The following A2ML1 variants were observed in gnomAD, a reference collection of about 807,000 sequenced individuals.
The protein encoded by A2ML1 is alpha-2-macroglobulin-like protein 1.
A2ML1 carries 161 observed loss-of-function variants against 181.9 expected under a neutral mutation model. The observed-to-expected ratio is 0.89, with a 90% CI of 0.78 to 1.01. The LOEUF (loss-of-function observed/expected upper bound fraction) is 1.01. Among genes scored for constraint, A2ML1 ranks in the 50% least tolerant of loss-of-function variants. The pLI is 0.00. For missense variants in A2ML1, 1,670 were observed against 1,768.1 expected, an observed-to-expected ratio of 0.94 and a Z score of 1.00; for synonymous variants, 663 against 666.8, an observed-to-expected ratio of 0.99 and a Z score of 0.09.
At chr12:8,829,079 C>G (rs1223296982) in intron 3 of A2ML1, among the ~76,000 whole-genome samples, 2 of 152,216 alleles carry the variant, frequency 1.3e-5, no homozygotes, top group Non-Finnish European at 2.9e-5. Context: ...TCTTCAGTGC[C>G]TCTTTCAGTG....
At chr12:8,885,656 G>T (rs1944914914) in intron 7 of A2ML1, among the ~76,000 whole-genome samples, 1 of 152,048 alleles carries the variant, frequency 6.6e-6, no homozygotes, top group East Asian at 1.9e-4. Flanking sequence ...TAGAGTTGGG[G>T]TTTCAGCATG....
intron 28 of A2ML1, 50 bp from the exon 29 acceptor site, chr12:8,863,744 G>T: frequency 6.3e-7 from 1 of 1,580,434 alleles, no homozygotes; most frequent in Non-Finnish European, 8.7e-7. Context: ...GTGAATGTGG[G>T]AAAGCCAGTT....
intron 12 of A2ML1, among the ~76,000 whole-genome samples, chr12:8,843,796 G>A (rs935466124): frequency 1.4e-5 from 2 of 148,008 alleles, no homozygotes; most frequent in South Asian, 2.1e-4. Context: ...TTGGCTCACT[G>A]CAAGCTCCAC....
At chr12:8,828,718 G>A (rs1943011448) in intron 3 of A2ML1, among the ~76,000 whole-genome samples, 1 of 152,102 alleles carries the variant, frequency 6.6e-6, no homozygotes, top group Non-Finnish European at 1.5e-5. Flanking sequence ...TGAATCACTG[G>A]AAGCCAGCAT....
In A2ML1 at chr12:8,863,904, CT is replaced by C. The variant is rs769980510; in HGVS notation, c.3615del (p.Thr1206ProfsTer5). On this transcript the variant is annotated frameshift_variant, in exon 29 of 36. Transcript: ENST00000299698. LOFTEE classifies it high-confidence loss of function. ...CACAGCATATGCATTGTTGGCCCAG[CT>C]TACCAAGCCCAGCCTGACTCAAAAG... Reference protein sequence around the residue: ...ELTAYALLAQLTKPSLTQKEI... With the variant: ...ELTAYALLAQXTKPSLTQKEI... The C allele has an allele frequency of 6.8e-6, 11 of 1,614,186 alleles. No homozygotes were observed. The highest frequency in any genetic ancestry group is 8.5e-6 in the Non-Finnish European group (10 of 1,180,040).
At chr12:8,827,069 A>G (rs112778129) in intron 3 of A2ML1, among the ~76,000 whole-genome samples, 5,828 of 151,960 alleles carry the variant, frequency 0.038, 373 homozygotes, top group African/African-American at 0.13. Context: ...AGCTGGGCTC[A>G]GTGGCTCATG....
In A2ML1 at chr12:8,865,479, C is replaced by T. The variant is rs750710648; in HGVS notation, c.3717+1471C>T. ...GCTTGAACCCGGGAGGCAGAGGTTG[C>T]GGTGAGCCGAGATGGCGCCATTGCA... On this transcript the variant is annotated intron_variant, in intron 29 of 35. Coordinates refer to ENST00000299698, the MANE Select transcript of A2ML1 (RefSeq NM_144670.6). Among the ~76,000 whole-genome samples the T allele has an allele frequency of 7.9e-5, 12 of 152,298 alleles. No homozygotes were observed. The South Asian group carries it at 1.7e-3, about 21-fold the overall frequency.
chr12:8,858,939 AT>A (rs754481775), intron 26 of A2ML1, among the ~76,000 whole-genome samples: 14 of 152,188 alleles, frequency 9.2e-5, no homozygotes, highest in Non-Finnish European at 1.6e-4. Flanking sequence ...CACGTGGTTT[AT>A]TTGATATTAT....
chr12:8,838,419 T>C lies in A2ML1; in HGVS notation c.939T>C (p.Asn313=). 6.2e-7 allele frequency: 1 copy of C among 1,613,836 alleles called. No homozygotes were observed. Among genetic ancestry groups the C allele is most frequent in the African/African-American group, 1.3e-5 (1 of 75,032 alleles). Residue 313 remains asparagine (N), a synonymous_variant, in exon 9 of 36, where the codon AAT becomes AAC. Coordinates refer to ENST00000299698, the MANE Select transcript of A2ML1 (RefSeq NM_144670.6). The part of the protein sequence containing the change: ...LIGYAYSHQI[N]IVATVVEEGT... ...GATATGCGTACAGCCATCAAATCAATATTGTGGCTACTGTTGTGGAGGAAG... is the reference window on the plus strand; with the variant it reads ...GATATGCGTACAGCCATCAAATCAACATTGTGGCTACTGTTGTGGAGGAAG...
intron 26 of A2ML1, among the ~76,000 whole-genome samples, chr12:8,858,629 A>G (rs1944154307): frequency 6.6e-6 from 1 of 152,112 alleles, no homozygotes. Flanking sequence ...TTCTCAAAGC[A>G]TAGTTCCCAG....
chr12:8,828,202 C>T (rs1331488802), intron 3 of A2ML1, among the ~76,000 whole-genome samples: 2 of 152,206 alleles, frequency 1.3e-5, no homozygotes, highest in African/African-American at 2.4e-5. Flanking sequence ...TGGTGAGTTC[C>T]CCATGACCCT....
chr12:8,845,016 G>A (rs750801179), intron 12 of A2ML1: 2 of 1,427,294 alleles, frequency 1.4e-6, no homozygotes, highest in East Asian at 2.5e-5. Context: ...TGTCAGAAGG[G>A]CTCAGGGTGG....
At chr12:8,829,970 C>A (rs746451933) in intron 4 of A2ML1, among the ~76,000 whole-genome samples, 191 bp downstream of exon 4, 1 of 151,912 alleles carries the variant, frequency 6.6e-6, no homozygotes, top group East Asian at 1.9e-4. Flanking sequence ...TAGGAACAAG[C>A]AGAGGTAACC....
At chr12:8,825,238 C>T (rs962758350) in intron 3 of A2ML1, among the ~76,000 whole-genome samples, 2 of 151,732 alleles carry the variant, frequency 1.3e-5, no homozygotes, top group African/African-American at 4.8e-5. Context: ...CTCTTTTCTC[C>T]ACATCCTCAC....
intron 11 of A2ML1, 36 bp downstream of exon 11, chr12:8,841,572 A>C: frequency 6.3e-7 from 1 of 1,578,894 alleles, no homozygotes. Context: ...CCTAGAAAGG[A>C]AGGCTTCCCT....
At chr12:8,854,901 T>C (rs1272991821) in intron 22 of A2ML1, 70 bp downstream of exon 22, 29 of 1,557,218 alleles carry the variant, frequency 1.9e-5, no homozygotes, top group Non-Finnish European at 2.4e-5. Flanking sequence ...TTTTCATTTT[T>C]TTTTTTTTTT....
rs199779757 is a variant in A2ML1, at chr12:8,847,643, C to A, written c.1778C>A (p.Ala593Glu). 13 of 1,613,772 alleles carry A rather than the reference C, an allele frequency of 8.1e-6. No homozygotes were observed. The highest frequency in any genetic ancestry group is 2.7e-5 in the African/African-American group (2 of 75,016). ...CCCGGATCCCTGTGTGCGCTCCGGGCGGTGGATGAGAGTGTCTTACTGCTT... is the reference window on the plus strand; with the variant it reads ...CCCGGATCCCTGTGTGCGCTCCGGGAGGTGGATGAGAGTGTCTTACTGCTT... ...AAPGSLCALRAVDESVLLLRP... is the reference protein window; with the variant it reads ...AAPGSLCALREVDESVLLLRP... The change falls in exon 15 of 36, where the codon GCG becomes GAG. Residue 593 changes from alanine to glutamate, a missense_variant. Transcript: ENST00000299698.
intron 33 of A2ML1, among the ~76,000 whole-genome samples, chr12:8,870,387 C>T (rs1433773389): frequency 1.4e-5 from 2 of 140,110 alleles, no homozygotes; most frequent in Non-Finnish European, 2.9e-5. Flanking sequence ...CCTGCCTCAG[C>T]CTCCCGAGTA....
chr12:8,872,009 C>T (rs779621546), intron 33 of A2ML1, among the ~76,000 whole-genome samples: 1 of 152,164 alleles, frequency 6.6e-6, no homozygotes, highest in East Asian at 1.9e-4. Context: ...GAAACCCCGT[C>T]TGTACTAAAG....
Sources: gnomAD v4.1 joint callset for allele counts (sites outside exome capture counted in the v4.1 genomes callset) on GRCh38, gnomAD v4.1.1 for gene constraint, MANE v1.5 for transcripts, NCBI Gene and HGNC (gene_info 2026-07-23, HGNC 2026-07-21) for gene names.